Variants in FRMD6 observed in about 807,000 individuals in gnomAD.
The protein encoded by FRMD6 is FERM domain-containing protein 6.
FRMD6 carries 37 observed loss-of-function variants against 73.2 expected under a neutral mutation model. The ratio of observed to expected loss-of-function variants is 0.51; its 90% CI spans 0.39 to 0.66. The LOEUF (loss-of-function observed/expected upper bound fraction) is 0.66. FRMD6 is among the 30% of genes least tolerant of loss of function. The pLI is 0.00. For missense variants in FRMD6, 714 were observed against 780.5 expected (o/e 0.91, Z 1.02); for synonymous variants, 273 against 282.2 (o/e 0.97, Z 0.33).
rs1594776437 is a variant in FRMD6, at chr14:51,715,366, C to T, written c.891C>T (p.Ala297=). Residue 297 remains alanine (A), a synonymous_variant, in exon 10 of 14, where the codon GCC becomes GCT. Transcript: ENST00000344768. The stretch of plus-strand genomic sequence containing the variant: ...TTTTGCCAGATGGCTTGCCTTCTGC[C>T]CGGAAGCTCATATACTACACGGGGT... ...FEILPDGLPS[A]RKLIYYTGCP... The T allele has an allele frequency of 6.3e-7, 1 of 1,594,382 alleles. No individual in the cohort carries two copies. Among genetic ancestry groups the T allele is most frequent in the Non-Finnish European group, 8.6e-7 (1 of 1,169,162 alleles).
At chr14:51,654,452 T>A (rs2140115247) in intron 1 of FRMD6, among the ~76,000 whole-genome samples, 1 of 152,304 alleles carries the variant, frequency 6.6e-6, no homozygotes, top group Non-Finnish European at 1.5e-5. Flanking sequence ...ACATAATTGT[T>A]TTTGACTGAG....
intron 1 of FRMD6, among the ~76,000 whole-genome samples, chr14:51,662,790 C>G (rs1355317018): frequency 1.3e-5 from 2 of 152,004 alleles, no homozygotes; most frequent in Non-Finnish European, 2.9e-5. Flanking sequence ...CAAAAATGGA[C>G]AAATGGGATC....
intron 1 of FRMD6, among the ~76,000 whole-genome samples, chr14:51,670,037 A>C (rs66522207): frequency 0.1 from 15,732 of 152,192 alleles, 1,093 homozygotes; most frequent in Non-Finnish European, 0.16. Flanking sequence ...ACCGAAAAAA[A>C]AAAGTCCCTG....
intron 2 of FRMD6, among the ~76,000 whole-genome samples, chr14:51,608,965 T>TG (rs148660977): frequency 0.041 from 6,242 of 152,216 alleles, 142 homozygotes; most frequent in African/African-American, 0.058. Context: ...GCACCAGCCT[T>TG]GGGGGGTGGC....
intron 1 of FRMD6, among the ~76,000 whole-genome samples, chr14:51,502,159 T>G (rs1214032643): frequency 1.3e-5 from 2 of 152,226 alleles, no homozygotes; most frequent in African/African-American, 2.4e-5. Context: ...GTCTGTTCAC[T>G]CTGATTATAG....
chr14:51,652,991 A>G (rs1892538030), intron 1 of FRMD6, among the ~76,000 whole-genome samples: 1 of 152,222 alleles, frequency 6.6e-6, no homozygotes. Context: ...CTAGTGTCCA[A>G]AGAAATATTA....
chr14:51,564,020 C>T (rs770879236), intron 1 of FRMD6, among the ~76,000 whole-genome samples: 1 of 152,112 alleles, frequency 6.6e-6, no homozygotes, highest in African/African-American at 2.4e-5. Context: ...CGGAAAATTT[C>T]TTTCTGGGTA....
chr14:51,582,908 A>G (rs746151000), intron 2 of FRMD6, among the ~76,000 whole-genome samples: 1 of 152,236 alleles, frequency 6.6e-6, no homozygotes, highest in Non-Finnish European at 1.5e-5. Flanking sequence ...TTTGGAACTC[A>G]CAATATAAAG....
the FRMD6 span, among the ~76,000 whole-genome samples, chr14:51,421,559 AAATCAATTAG>A: frequency 2.0e-5 from 3 of 152,230 alleles, no homozygotes; most frequent in African/African-American, 7.2e-5. Flanking sequence ...TCCTGGAGGC[AAATCAATTAG>A]AAGCTATTAA....
At chr14:51,642,086 T>C (rs953334371) in intron 2 of FRMD6, among the ~76,000 whole-genome samples, 6 of 152,190 alleles carry the variant, frequency 3.9e-5, no homozygotes, top group East Asian at 1.9e-4. Flanking sequence ...CTGTAGGTAC[T>C]AGTTTGAGGT....
At chr14:51,571,905 A>G (rs886950001) in intron 2 of FRMD6, among the ~76,000 whole-genome samples, 1 of 152,244 alleles carries the variant, frequency 6.6e-6, no homozygotes, top group African/African-American at 2.4e-5. Context: ...CATTAAAAAC[A>G]AGCAGACAGG....
At chr14:51,560,440 C>G (rs371439308) in intron 1 of FRMD6, among the ~76,000 whole-genome samples, 22 of 152,248 alleles carry the variant, frequency 1.4e-4, no homozygotes, top group African/African-American at 5.1e-4. Context: ...GCCAAGTGGG[C>G]AGGTGATCTC....
intron 7 of FRMD6, among the ~76,000 whole-genome samples, chr14:51,711,216 A>C (rs1223487789): frequency 6.6e-6 from 1 of 152,232 alleles, no homozygotes; most frequent in Non-Finnish European, 1.5e-5. Flanking sequence ...AGCCTTGTTA[A>C]CTGGAGTTGT....
chr14:51,446,490 T>C, the FRMD6 span, among the ~76,000 whole-genome samples: 1 of 44,850 alleles, frequency 2.2e-5, no homozygotes, highest in Non-Finnish European at 4.7e-5. Context: ...AGGTTGCCTG[T>C]ATTGGGTTCT....
chr14:51,486,936 G>GTTTTTTTTTT (rs5808614), upstream of FRMD6, among the ~76,000 whole-genome samples: 1 of 146,340 alleles, frequency 6.8e-6, no homozygotes, highest in Non-Finnish European at 1.5e-5. Flanking sequence ...GTATAAAACC[G>GTTTTTTTTTT]TTTTTTTTTT....
chr14:51,709,105 C>G (rs1204991644), intron 7 of FRMD6, among the ~76,000 whole-genome samples: 1 of 152,148 alleles, frequency 6.6e-6, no homozygotes, highest in African/African-American at 2.4e-5. Context: ...GGCAAGAACT[C>G]CTGAATACCC....
intron 3 of FRMD6, among the ~76,000 whole-genome samples, chr14:51,699,311 C>CAT: frequency 6.6e-6 from 1 of 152,174 alleles, no homozygotes; most frequent in East Asian, 1.9e-4. Flanking sequence ...TGTGTTAGTG[C>CAT]ATACTTCAGT....
intron 2 of FRMD6, among the ~76,000 whole-genome samples, chr14:51,690,831 C>T (rs1400729832): frequency 6.6e-6 from 1 of 151,948 alleles, no homozygotes; most frequent in Non-Finnish European, 1.5e-5. Flanking sequence ...CTTAGATAAC[C>T]TGAACATTGA....
At chr14:51,563,531 A>T (rs934251805) in intron 1 of FRMD6, among the ~76,000 whole-genome samples, 11 of 152,102 alleles carry the variant, frequency 7.2e-5, no homozygotes, top group Non-Finnish European at 1.3e-4. Context: ...TTAACTGGGC[A>T]TGGTGGTGGG....
Sources: allele counts gnomAD v4.1 joint callset (sites outside exome capture counted in the v4.1 genomes callset), GRCh38; gene constraint gnomAD v4.1.1; transcripts MANE v1.5; gene names NCBI Gene and HGNC (gene_info 2026-07-23, HGNC 2026-07-21).